GABRB1: variants seen among roughly 807,000 people sequenced by gnomAD.
GABRB1 encodes gamma-aminobutyric acid type A receptor subunit beta1.
Under a neutral mutation model 51.6 loss-of-function variants are expected in GABRB1, and 17 were observed. That is an observed-to-expected ratio of 0.33 (90% CI 0.23 to 0.49). The LOEUF (loss-of-function observed/expected upper bound fraction) is 0.49, where lower values mean the gene tolerates loss of function less well. Ranked by LOEUF, GABRB1 falls within the 20% of genes least tolerant of loss-of-function variation. The pLI is 0.99. For synonymous variants in GABRB1, 247 were observed against 218.9 expected (o/e 1.13, Z -1.14); for missense variants, 410 against 600.6 (o/e 0.68, Z 3.32).
intron 4 of GABRB1, among the ~76,000 whole-genome samples, chr4:47,218,841 G>T (rs995981071): frequency 2.0e-5 from 3 of 151,798 alleles, no homozygotes; most frequent in Admixed American, 6.6e-5. Flanking sequence ...GATGCCAAAA[G>T]CCTACTAGTC....
intron 4 of GABRB1, among the ~76,000 whole-genome samples, chr4:47,275,561 G>A (rs1723042879): frequency 6.6e-6 from 1 of 152,102 alleles, no homozygotes; most frequent in Non-Finnish European, 1.5e-5. Flanking sequence ...GAATCAAAGA[G>A]TATATCTTAT....
chr4:47,108,913 A>G (rs76492960), intron 3 of GABRB1, among the ~76,000 whole-genome samples: 10,114 of 152,080 alleles, frequency 0.067, 867 homozygotes, highest in African/African-American at 0.2. Flanking sequence ...TTAAGCTACT[A>G]GAGTAAACTT....
chr4:47,343,644 T>C (rs983859911), intron 5 of GABRB1, among the ~76,000 whole-genome samples: 4 of 152,174 alleles, frequency 2.6e-5, no homozygotes, highest in Non-Finnish European at 4.4e-5. Flanking sequence ...GAATGACTGA[T>C]GGACCCTGGT....
At chr4:47,056,999 A>T (rs899522486) in intron 3 of GABRB1, among the ~76,000 whole-genome samples, 1 of 152,104 alleles carries the variant, frequency 6.6e-6, no homozygotes, top group Non-Finnish European at 1.5e-5. Context: ...CCAGCTACTC[A>T]GGAGGCTGAG....
intron 3 of GABRB1, among the ~76,000 whole-genome samples, chr4:47,067,505 T>G (rs1476681824): frequency 1.3e-5 from 2 of 152,228 alleles, no homozygotes; most frequent in Non-Finnish European, 2.9e-5. Context: ...TTATCTTAGC[T>G]GAATCTTCTG....
chr4:47,039,648 T>C (rs2109484965), intron 3 of GABRB1, among the ~76,000 whole-genome samples: 1 of 152,260 alleles, frequency 6.6e-6, no homozygotes, highest in South Asian at 2.1e-4. Context: ...GAAGGGTTAA[T>C]GCCTGAAATG....
chr4:47,068,636 C>T (rs771491248), intron 3 of GABRB1, among the ~76,000 whole-genome samples: 66 of 152,162 alleles, frequency 4.3e-4, no homozygotes, highest in Non-Finnish European at 7.6e-4. Flanking sequence ...ACACACAAAA[C>T]ATTTATCAAT....
chr4:47,169,542 C>T (rs1718351069), intron 4 of GABRB1, among the ~76,000 whole-genome samples: 2 of 151,348 alleles, frequency 1.3e-5, no homozygotes, highest in African/African-American at 4.9e-5. Flanking sequence ...GCTCTTGTTG[C>T]CCAAGCTGGA....
At chr4:47,358,506 C>T (rs1726673813) in intron 5 of GABRB1, among the ~76,000 whole-genome samples, 2 of 151,854 alleles carry the variant, frequency 1.3e-5, no homozygotes, top group South Asian at 4.2e-4. Flanking sequence ...CGTAGGCTAC[C>T]AGGCCAGAGA....
At chr4:46,998,693 C>A (rs1451092350) in intron 1 of GABRB1, among the ~76,000 whole-genome samples, 1 of 143,184 alleles carries the variant, frequency 7.0e-6, no homozygotes. Flanking sequence ...GAGATTGTGC[C>A]ACTGCACTGC....
intron 4 of GABRB1, among the ~76,000 whole-genome samples, chr4:47,276,122 A>T (rs1367836912): frequency 6.6e-6 from 1 of 152,166 alleles, no homozygotes; most frequent in Admixed American, 6.6e-5. Context: ...TATTCATCAA[A>T]ATGTATCACA....
rs1367916545 is a variant in GABRB1 at position 47,302,746 on chromosome 4, C to T, written c.462-17381C>T. On this transcript the variant is annotated intron_variant, in intron 4 of 8. Transcript: ENST00000295454. The stretch of plus-strand genomic sequence containing the variant: ...GCAGTTCTTGTGTAATAGGACTTCA[C>T]AATTTGTTTATTCATTTAAATAGGC... 3.3e-5 allele frequency among the ~76,000 whole-genome samples: 5 copies of T among 151,928 alleles called. 1 individual carries two copies. The highest frequency in any genetic ancestry group is 1.5e-5 in the Non-Finnish European group (1 of 67,868).
At chr4:47,036,447 T>C (rs1725570452) in intron 3 of GABRB1, among the ~76,000 whole-genome samples, 1 of 152,160 alleles carries the variant, frequency 6.6e-6, no homozygotes, top group Admixed American at 6.5e-5. Flanking sequence ...AAAATGCAAA[T>C]TCCAAATCAG....
At chr4:47,350,218 TAGAGAGAG>T (rs59905765) in intron 5 of GABRB1, among the ~76,000 whole-genome samples, 7 of 56,654 alleles carry the variant, frequency 1.2e-4, no homozygotes, top group Admixed American at 4.3e-4. Context: ...TATATATATA[TAGAGAGAG>T]AGAGAGAGAG....
chr4:47,320,960 G>A (rs541128155), intron 5 of GABRB1, among the ~76,000 whole-genome samples: 3 of 151,940 alleles, frequency 2.0e-5, no homozygotes, highest in Admixed American at 1.3e-4. Context: ...TAGTAGAGAC[G>A]AGGTTTCATC....
At chr4:47,283,303 GA>G (rs945993446) in intron 4 of GABRB1, among the ~76,000 whole-genome samples, 34 of 144,900 alleles carry the variant, frequency 2.3e-4, no homozygotes, top group African/African-American at 8.4e-4. Flanking sequence ...AGGGAAAGAG[GA>G]TTCGTTCTTC....
intron 3 of GABRB1, among the ~76,000 whole-genome samples, chr4:47,036,320 T>C (rs1725565382): frequency 6.6e-6 from 1 of 152,224 alleles, no homozygotes; most frequent in Admixed American, 6.5e-5. Flanking sequence ...CTCATTACTA[T>C]CACTGTGGTG....
chr4:47,284,097 CAAAAAAAAAAAA>C (rs780643469), intron 4 of GABRB1, among the ~76,000 whole-genome samples: 2 of 48,916 alleles, frequency 4.1e-5, no homozygotes, highest in Non-Finnish European at 9.1e-5. Context: ...GACTCAGTCT[CAAAAAAAAAAAA>C]AAAAAAAAAA....
chr4:47,353,190 T>G (rs550515899), intron 5 of GABRB1, among the ~76,000 whole-genome samples: 11 of 152,284 alleles, frequency 7.2e-5, no homozygotes, highest in African/African-American at 2.4e-4. Flanking sequence ...ACTGGATCCC[T>G]CCCACAACAC....
Sources: allele counts gnomAD v4.1 joint callset (sites outside exome capture counted in the v4.1 genomes callset), GRCh38; gene constraint gnomAD v4.1.1; transcripts MANE v1.5; gene names NCBI Gene and HGNC (gene_info 2026-07-23, HGNC 2026-07-21).